The following STXBP2 variants were observed in gnomAD, a reference collection of about 807,000 sequenced individuals.
STXBP2 encodes the protein syntaxin binding protein 2.
STXBP2 carries 47 observed loss-of-function variants against 72.2 expected under a neutral mutation model. That is an observed-to-expected ratio of 0.65 (90% CI 0.51 to 0.83). The LOEUF is 0.83. Among genes scored for constraint, STXBP2 ranks in the 40% least tolerant of loss-of-function variants. The pLI, the probability that STXBP2 is intolerant of heterozygous loss-of-function variation, is 0.00. For synonymous variants in STXBP2, 367 were observed against 338.7 expected (o/e 1.08, Z -0.92); for missense variants, 702 against 807.6 (o/e 0.87, Z 1.58).
chr19:7,630,035 G>A, the STXBP2 span: 27 of 811,894 alleles, frequency 3.3e-5, no homozygotes, highest in Admixed American at 1.1e-4. Flanking sequence ...TGGGCTGGGG[G>A]GGTTCTCGGA....
chr19:7,633,297 G>A, upstream of STXBP2: 1 of 1,129,830 alleles, frequency 8.9e-7, no homozygotes, highest in Non-Finnish European at 1.3e-6. Flanking sequence ...AACTGGGTCA[G>A]GGGGTCCTAG....
At chr19:7,640,563 TGC>T (rs201730520) in intron 4 of STXBP2, 166 bp from the exon 5 acceptor site, 23 of 775,660 alleles carry the variant, frequency 3.0e-5, no homozygotes, top group Admixed American at 2.2e-4. Context: ...TCTGTGTGTG[TGC>T]GCGTGTGCCC....
rs755154858 is a variant in STXBP2 at position 7,643,003 on chromosome 19, C to T, written c.981C>T (p.Ser327=). ...CCCAGGCGAACATCAAAGACCTATC[C>T]CAGATCCTGAAAAAGATGCCGCAGT... ...TTDKANIKDL[S]QILKKMPQYQ... Residue 327 remains serine (S), a synonymous_variant, in exon 12 of 19, where the codon TCC becomes TCT. Transcript: ENST00000221283. 1.1e-5 allele frequency: 18 copies of T among 1,614,024 alleles called. 1 individual carries two copies. The South Asian group carries it at 1.5e-4, about 14-fold the overall frequency.
the STXBP2 span, chr19:7,630,660 G>T: frequency 1.3e-6 from 2 of 1,536,922 alleles, no homozygotes. Flanking sequence ...ACAGCGCAAG[G>T]TGGGCATAAG....
the STXBP2 span, chr19:7,630,060 T>C: frequency 5.7e-6 from 3 of 525,434 alleles, no homozygotes; most frequent in Non-Finnish European, 6.2e-6. Flanking sequence ...GGCTTCTGGG[T>C]TTGGGGGCTG....
At chr19:7,635,570 C>T (rs1026424986), upstream of STXBP2, among the ~76,000 whole-genome samples, 11 of 152,102 alleles carry the variant, frequency 7.2e-5, no homozygotes, top group Non-Finnish European at 5.9e-5. Context: ...GTGGCGTGCA[C>T]CTGTAGTCCC....
rs779558314 is a variant in STXBP2, at chr19:7,646,345, G to A, written c.1452+1G>A. Reference sequence around the variant, plus strand: ...CCCGGTCATCAAGGATGTAATGGAGGTACTGGGTGGCAGGTCAGGGTGGGG... The same window carrying A: ...CCCGGTCATCAAGGATGTAATGGAGATACTGGGTGGCAGGTCAGGGTGGGG... On this transcript the variant is annotated splice_donor_variant, in intron 16 of 18. Coordinates refer to ENST00000221283, the MANE Select transcript of STXBP2 (RefSeq NM_006949.4). LOFTEE classifies it high-confidence loss of function. 4 of 1,602,070 alleles carry A rather than the reference G, an allele frequency of 2.5e-6. No individual in the cohort carries two copies. Among genetic ancestry groups the A allele is most frequent in the African/African-American group, 2.7e-5 (2 of 74,844 alleles).
rs113860815 is a variant in STXBP2, at chr19:7,641,850, G to A, written c.575G>A (p.Arg192His). The A allele has an allele frequency of 2.2e-5, 35 of 1,555,906 alleles. No individual in the cohort carries two copies. The highest frequency in any genetic ancestry group is 1.7e-4 in the East Asian group (7 of 41,176). The change falls in exon 7 of 19, where the codon CGC (arginine) becomes CAC (histidine). Residue 192 changes from arginine to histidine, a missense_variant. Coordinates refer to ENST00000221283, the MANE Select transcript of STXBP2 (RefSeq NM_006949.4). ...TLQEYPAIRY[R>H]KGPEDTAQLA... ...CAGGAGTACCCGGCCATCCGCTACC[G>A]CAAGTGGGGACCCCACCCAGCCCCA...
At chr19:7,634,154 C>T (rs1223845308), upstream of STXBP2, among the ~76,000 whole-genome samples, 5 of 152,204 alleles carry the variant, frequency 3.3e-5, no homozygotes, top group African/African-American at 1.2e-4. Flanking sequence ...TCCTCTATCA[C>T]CCTAGCCCCA....
Position 7,642,485 on chromosome 19 carries a change from A to G in STXBP2, c.851A>G (p.Asp284Gly). The change falls in exon 10 of 19, where the codon GAC becomes GGC. Residue 284 changes from aspartate to glycine, a missense_variant. Physicochemically the swap from Asp to Gly is moderately conservative, Grantham distance 94. Transcript: ENST00000221283. The surrounding 1 kb of genome is among the most constrained non-coding windows in gnomAD (Gnocchi z 6.0). ...AREKAVLLDE[D>G]DDLWVELRHM... is the part of the protein sequence containing the mutation. The stretch of plus-strand genomic sequence containing the variant: ...GAGAAGGCCGTCTTGCTGGACGAGG[A>G]CGATGACTTGTGGGTGGAGCTTCGC... 6.2e-7 allele frequency: 1 copy of G among 1,614,034 alleles called. No homozygotes were observed. The highest frequency in any genetic ancestry group is 8.5e-7 in the Non-Finnish European group (1 of 1,180,024).
chr19:7,630,718 G>A, the STXBP2 span: 1 of 1,530,890 alleles, frequency 6.5e-7, no homozygotes, highest in Non-Finnish European at 8.8e-7. Context: ...GTGTGGGGCA[G>A]CAGTCTGCTG....
At chr19:7,640,392 ATGTG>A (rs1042858247) in intron 4 of STXBP2, 4 of 564,118 alleles carry the variant, frequency 7.1e-6, no homozygotes, top group Non-Finnish European at 1.3e-5. Context: ...CAGTGTCTGC[ATGTG>A]TGTATATGTG....
rs1455316255 is a variant in STXBP2, at chr19:7,644,944, C to T, written c.1246+192C>T. ...GGATTCCTCCACTGAGGTGAGGGCTCCCTGCTAACGTAGAAACCCTCACAT... is the reference window on the plus strand; with the variant it reads ...GGATTCCTCCACTGAGGTGAGGGCTTCCTGCTAACGTAGAAACCCTCACAT... On this transcript the variant is annotated intron_variant, in intron 14 of 18. Coordinates refer to ENST00000221283, the MANE Select transcript of STXBP2 (RefSeq NM_006949.4). 3.4e-6 allele frequency: 5 copies of T among 1,451,880 alleles called. No individual in the cohort carries two copies. The Admixed American group carries it at 7.6e-5, about 22-fold the overall frequency. The allele number at this position is 1,451,880 out of a possible 1,614,324, so 89.9% of individuals were successfully genotyped here.
intron 4 of STXBP2, chr19:7,640,087 T>G (rs562580596): frequency 1.6e-6 from 1 of 610,254 alleles, no homozygotes; most frequent in African/African-American, 2.1e-5. Flanking sequence ...TCTGTGGGTC[T>G]GTGTGTGCAT....
rs754346281 is a variant in STXBP2 at position 7,642,739 on chromosome 19, C to T, written c.903-27C>T. 6.2e-7 allele frequency: 1 copy of T among 1,612,804 alleles called. No homozygotes were observed. Among genetic ancestry groups the T allele is most frequent in the Non-Finnish European group, 8.5e-7 (1 of 1,179,426 alleles). On this transcript the variant is annotated intron_variant, in intron 10 of 18. Transcript: ENST00000221283. The surrounding 1 kb of genome is among the most constrained non-coding windows in gnomAD (Gnocchi z 6.0). ...GGCCTGTGGCTCCTCTCCCCTCACTCTCACCCCCGCCCACCCTCATGGCCA... is the reference window on the plus strand; with the variant it reads ...GGCCTGTGGCTCCTCTCCCCTCACTTTCACCCCCGCCCACCCTCATGGCCA...
At chr19:7,638,839 C>T in intron 2 of STXBP2, 64 bp downstream of exon 2, 2 of 1,608,370 alleles carry the variant, frequency 1.2e-6, no homozygotes, top group Non-Finnish European at 1.7e-6. Context: ...TGGGGAAGAC[C>T]CTGAATGTGG....
At chr19:7,645,462 G>C (rs571006949) in intron 15 of STXBP2, 156 bp downstream of exon 15, 2 of 667,904 alleles carry the variant, frequency 3.0e-6, no homozygotes, top group East Asian at 5.5e-5. Context: ...GTCTGGTCTG[G>C]GGCCCAGAGG....
chr19:7,638,036 G>C (rs757485671), intron 1 of STXBP2, among the ~76,000 whole-genome samples: 78 of 152,232 alleles, frequency 5.1e-4, no homozygotes, highest in Non-Finnish European at 1.0e-3. Context: ...GACCAGGTTG[G>C]GGGGACTGGC....
At chr19:7,641,923 C>T (rs1001833415) in intron 7 of STXBP2, 70 bp downstream of exon 7, 3 of 1,339,806 alleles carry the variant, frequency 2.2e-6, no homozygotes, top group African/African-American at 1.6e-5. Flanking sequence ...TAACCTTTAA[C>T]CTCTCTTGTG....
Sources: allele counts gnomAD v4.1 joint callset (sites outside exome capture counted in the v4.1 genomes callset), GRCh38; gene constraint gnomAD v4.1.1; non-coding constraint Gnocchi (gnomAD v3.1); transcripts MANE v1.5; gene names NCBI Gene and HGNC (gene_info 2026-07-23, HGNC 2026-07-21).